The following TEX36 variants were observed in gnomAD, a reference collection of about 807,000 sequenced individuals.
The protein encoded by TEX36 is testis expressed 36, also known as testis-expressed protein 36.
TEX36 carries 12 observed loss-of-function variants against 13.6 expected under a neutral mutation model. The ratio of observed to expected loss-of-function variants is 0.88; its 90% CI spans 0.56 to 1.43. The LOEUF is 1.43. TEX36 is among the 40% of genes most tolerant of loss of function. TEX36 has a pLI of 0.00. For synonymous variants in TEX36, 93 were observed against 83.0 expected, an observed-to-expected ratio of 1.12 and a Z score of -0.65; for missense variants, 224 against 228.3, an observed-to-expected ratio of 0.98 and a Z score of 0.12.
At chr10:125,590,255 G>A (rs1219249203) in intron 3 of TEX36, among the ~76,000 whole-genome samples, 1 of 151,878 alleles carries the variant, frequency 6.6e-6, no homozygotes, top group Non-Finnish European at 1.5e-5. Context: ...GACTACAGGT[G>A]AGTGGCACCA....
chr10:125,617,757 T>C (rs1408988633), downstream of TEX36, among the ~76,000 whole-genome samples: 1 of 152,222 alleles, frequency 6.6e-6, no homozygotes, highest in Non-Finnish European at 1.5e-5. Flanking sequence ...ATCTGACAAT[T>C]ATGTGTCTTG....
intron 3 of TEX36, among the ~76,000 whole-genome samples, chr10:125,649,420 G>A (rs1846819654): frequency 6.6e-6 from 1 of 152,140 alleles, no homozygotes; most frequent in African/African-American, 2.4e-5. Flanking sequence ...AAGTGAAGGA[G>A]AAATAAAATC....
In TEX36 at chr10:125,673,887, T is replaced by C. The variant is rs151200333; in HGVS notation, c.51+9052A>G. On this transcript the variant is annotated intron_variant, in intron 1 of 3. Coordinates refer to ENST00000368821, the MANE Select transcript of TEX36 (RefSeq NM_001128202.3). ...TTCATTTCCACGTTGGAGAATCTGA[T>C]GATTATGTGTCTTGGGGTTGATCTT... Among the ~76,000 whole-genome samples, 926 of 152,182 alleles carry C rather than the reference T, an allele frequency of 6.1e-3. 9 individuals are homozygous for C. Among genetic ancestry groups the C allele is most frequent in the African/African-American group, 0.02 (826 of 41,502 alleles).
chr10:125,587,571 G>A (rs1845971319), intron 3 of TEX36, among the ~76,000 whole-genome samples: 1 of 152,092 alleles, frequency 6.6e-6, no homozygotes, highest in South Asian at 2.1e-4. Flanking sequence ...CAGAGCACCT[G>A]AAGTCAGGAG....
At position 125,678,211 on chromosome 10, in the gene TEX36, C is replaced by G. The variant is rs185572734; in HGVS notation, c.51+4728G>C. ...TTTCCTGAAGATGTTTCCATGGTGT[C>G]AGTTGGATAGAGTACTTTGGCTTTG... On this transcript the variant is annotated intron_variant, in intron 1 of 3. Transcript: ENST00000368821. Among the ~76,000 whole-genome samples the G allele has an allele frequency of 1.2e-4, 18 of 152,228 alleles. No homozygotes were observed. The East Asian group carries it at 1.9e-3, about 16-fold the overall frequency.
intron 3 of TEX36, among the ~76,000 whole-genome samples, chr10:125,594,893 C>T (rs758753938): frequency 2.6e-5 from 4 of 152,092 alleles, no homozygotes; most frequent in Non-Finnish European, 4.4e-5. Flanking sequence ...ATCCACAGAA[C>T]CAACATTTGT....
intron 1 of TEX36, among the ~76,000 whole-genome samples, chr10:125,678,953 G>C (rs1847352088): frequency 6.6e-6 from 1 of 152,146 alleles, no homozygotes; most frequent in South Asian, 2.1e-4. Context: ...TCAGCTGAGA[G>C]GTGGTAGCAG....
At chr10:125,618,697 G>C (rs928825560), downstream of TEX36, among the ~76,000 whole-genome samples, 16 of 152,086 alleles carry the variant, frequency 1.1e-4, no homozygotes, top group East Asian at 2.9e-3. Flanking sequence ...GCTAGTGCAG[G>C]TCCTGCCCAC....
chr10:125,632,939 T>C (rs1846576083), intron 3 of TEX36, among the ~76,000 whole-genome samples: 1 of 152,066 alleles, frequency 6.6e-6, no homozygotes, highest in Non-Finnish European at 1.5e-5. Context: ...GCCTGGCCAA[T>C]ATATGAAACC....
chr10:125,679,151 C>G lies in TEX36; in HGVS notation c.51+3788G>C, dbSNP rs1157344140. Reference sequence around the variant, plus strand: ...GGCTACAGGAGCACCCCCCCCGCCCCCGCCAAGCTGACAACTTAGTTCCAG... The same window carrying G: ...GGCTACAGGAGCACCCCCCCCGCCCGCGCCAAGCTGACAACTTAGTTCCAG... On this transcript the variant is annotated intron_variant, in intron 1 of 3. Coordinates refer to ENST00000368821, the MANE Select transcript of TEX36 (RefSeq NM_001128202.3). Among the ~76,000 whole-genome samples the G allele has an allele frequency of 2.0e-5, 3 of 147,020 alleles. 1 individual carries two copies. Among genetic ancestry groups the G allele is most frequent in the East Asian group, 4.2e-4 (2 of 4,762 alleles).
intron 3 of TEX36, among the ~76,000 whole-genome samples, chr10:125,604,631 G>T (rs1380915774): frequency 2.0e-5 from 3 of 152,156 alleles, no homozygotes; most frequent in Admixed American, 6.5e-5. Context: ...GGTCAACAAG[G>T]TGAAACCCCA....
At chr10:125,616,038 C>T (rs1024082112) in intron 3 of TEX36, among the ~76,000 whole-genome samples, 9 of 152,098 alleles carry the variant, frequency 5.9e-5, no homozygotes, top group African/African-American at 2.2e-4. Flanking sequence ...AGGAATTTAT[C>T]CATTTCTTCT....
chr10:125,608,972 T>TAAAAAAAAAAAAAA (rs35828943), intron 3 of TEX36, among the ~76,000 whole-genome samples: 1 of 83,356 alleles, frequency 1.2e-5, no homozygotes, highest in African/African-American at 4.5e-5. Context: ...CCACCTCTAC[T>TAAAAAAAAAAAAAA]AAAAAAAAAA....
At chr10:125,626,200 C>T (rs906221110) in intron 3 of TEX36, among the ~76,000 whole-genome samples, 12 of 152,312 alleles carry the variant, frequency 7.9e-5, no homozygotes, top group Admixed American at 2.6e-4. Context: ...TCTACAAGTT[C>T]GGTCCCACGA....
At chr10:125,592,690 G>C (rs1486080258) in intron 3 of TEX36, among the ~76,000 whole-genome samples, 1 of 152,088 alleles carries the variant, frequency 6.6e-6, no homozygotes, top group African/African-American at 2.4e-5. Flanking sequence ...CCATATGAGA[G>C]ACCAGTCCCA....
At chr10:125,605,299 T>C (rs142162233) in intron 3 of TEX36, among the ~76,000 whole-genome samples, 75 of 150,370 alleles carry the variant, frequency 5.0e-4, no homozygotes, top group African/African-American at 1.8e-3. Context: ...CACAGCATAG[T>C]GCAGCAATGT....
chr10:125,601,913 C>G (rs1200722518), intron 3 of TEX36, among the ~76,000 whole-genome samples: 1 of 152,224 alleles, frequency 6.6e-6, no homozygotes, highest in African/African-American at 2.4e-5. Context: ...GGTCCAGAGG[C>G]AGCACCTGCA....
At chr10:125,681,265 G>T (rs759734836) in intron 1 of TEX36, among the ~76,000 whole-genome samples, 2 of 152,224 alleles carry the variant, frequency 1.3e-5, no homozygotes, top group Non-Finnish European at 2.9e-5. Context: ...AGCTGTACTA[G>T]CCTGGGATGG....
At chr10:125,656,249 C>CTT (rs66461124) in intron 3 of TEX36, 53 bp from the exon 4 acceptor site, 13,586 of 260,674 alleles carry the variant, frequency 0.052, 239 homozygotes, top group South Asian at 0.061. Flanking sequence ...TCACATAGTT[C>CTT]TTTTTTTTTT....
Sources: gnomAD v4.1 joint callset for allele counts (sites outside exome capture counted in the v4.1 genomes callset) on GRCh38, gnomAD v4.1.1 for gene constraint, MANE v1.5 for transcripts, NCBI Gene and HGNC (gene_info 2026-07-23, HGNC 2026-07-21) for gene names.